Variants in SATL1 observed in about 807,000 individuals in gnomAD.
SATL1 encodes spermidine/spermine N(1)-acetyltransferase-like protein 1.
A neutral mutation model predicts 51.8 loss-of-function variants in SATL1; 47 were observed. The observed-to-expected ratio is 0.91, with a 90% CI of 0.72 to 1.16. The LOEUF is 1.16. SATL1 is among the 50% of genes most tolerant of loss of function. The pLI, the probability that SATL1 is intolerant of heterozygous loss-of-function variation, is 0.00. For missense variants in SATL1, 520 were observed against 526.4 expected (o/e 0.99, Z 0.12); for synonymous variants, 176 against 182.4 (o/e 0.97, Z 0.28).
Position 85,094,200 on chromosome X carries a change from A to G in SATL1, c.1804T>C (p.Tyr602His), listed in dbSNP as rs1164923263. The G allele has an allele frequency of 1.5e-5, 18 of 1,183,485 alleles. No individual in the cohort carries two copies. The highest frequency in any genetic ancestry group is 2.1e-5 in the Non-Finnish European group (18 of 872,399). The change falls in exon 6 of 8, where the codon TAC becomes CAC. Residue 602 changes from tyrosine (Y) to histidine (H), a missense_variant. Physicochemically the swap from Tyr to His is moderately conservative, Grantham distance 83. Around this residue, in one of 3 missense-constraint regions of SATL1, gnomAD observed 488 missense variants for 474.3 expected, o/e 1.03. Coordinates refer to ENST00000644105, the MANE Select transcript of SATL1 (RefSeq NM_001367857.2). ...GKLTVGFAMY[Y>H]FTYDSWTGKV... ...CCAGTCCATGAGTCGTATGTAAAGTAGTACATGGCAAATCCAACAGTCAGT... is the reference window on the plus strand; with the variant it reads ...CCAGTCCATGAGTCGTATGTAAAGTGGTACATGGCAAATCCAACAGTCAGT...
Position 85,108,260 on chromosome X carries a change from A to T in SATL1, c.709T>A (p.Cys237Ser), listed in dbSNP as rs200499692. Residue 237 changes from cysteine (C) to serine (S), a missense_variant, in exon 3 of 8, where the codon TGT (cysteine) becomes AGT (serine). Around this residue, in one of 3 missense-constraint regions of SATL1, gnomAD observed 488 missense variants for 474.3 expected, o/e 1.03. Coordinates refer to ENST00000644105, the MANE Select transcript of SATL1 (RefSeq NM_001367857.2). The part of the protein sequence containing the change: ...GIRQPDTSQS[C>S]KNQTDMSQPD... Reference sequence around the variant, plus strand: ...TGGCTCATGTCTGTTTGGTTCTTACATGATTGGCTAGTGTCTGGTTGCCTT... The same window carrying T: ...TGGCTCATGTCTGTTTGGTTCTTACTTGATTGGCTAGTGTCTGGTTGCCTT... The T allele has an allele frequency of 1.3e-4, 153 of 1,207,286 alleles. No homozygotes were observed. Among genetic ancestry groups the T allele is most frequent in the Non-Finnish European group, 1.7e-4 (149 of 894,241 alleles).
chrX:85,222,954 G>A (rs1351821861), intron 2 of SATL1, among the ~76,000 whole-genome samples: 9 of 111,833 alleles, frequency 8.0e-5, no homozygotes, highest in Admixed American at 7.6e-4. Flanking sequence ...AAGATTATAC[G>A]TTTATACACA....
At chrX:85,233,446 C>T (rs67837097) in intron 1 of SATL1, among the ~76,000 whole-genome samples, 14,643 of 111,586 alleles carry the variant, frequency 0.13, 729 homozygotes, top group South Asian at 0.18. Flanking sequence ...AAATAAGGCA[C>T]GAGTGACCAA....
At chrX:85,155,709 GA>G (rs928042422) in intron 2 of SATL1, among the ~76,000 whole-genome samples, 1 of 110,722 alleles carries the variant, frequency 9.0e-6, no homozygotes, top group East Asian at 2.8e-4. Flanking sequence ...TTAGTGTAGT[GA>G]AAAAAATAGG....
intron 2 of SATL1, among the ~76,000 whole-genome samples, chrX:85,129,008 C>G (rs147976355): frequency 0.038 from 4,213 of 111,419 alleles, 219 homozygotes; most frequent in African/African-American, 0.13. Flanking sequence ...TGGTCTATCT[C>G]TCTATTTTGG....
At chrX:85,229,691 T>A (rs1006489950) in intron 1 of SATL1, among the ~76,000 whole-genome samples, 55 of 111,230 alleles carry the variant, frequency 4.9e-4, no homozygotes, top group African/African-American at 1.7e-3. Flanking sequence ...TCTAGAAAAC[T>A]GTAAAGACTC....
chrX:85,131,321 C>A (rs755928425), intron 2 of SATL1, among the ~76,000 whole-genome samples: 4 of 111,729 alleles, frequency 3.6e-5, no homozygotes, highest in African/African-American at 1.3e-4. Flanking sequence ...CTTTATGAAT[C>A]TGGGTGCTCC....
chrX:85,109,635 C>T (rs1192270821), intron 2 of SATL1, among the ~76,000 whole-genome samples: 2 of 111,452 alleles, frequency 1.8e-5, no homozygotes, highest in African/African-American at 6.5e-5. Context: ...TATTTCCGTC[C>T]TCATTTTTCA....
intron 2 of SATL1, among the ~76,000 whole-genome samples, chrX:85,136,064 C>T (rs1253003016): frequency 9.1e-6 from 1 of 110,280 alleles, no homozygotes; most frequent in East Asian, 2.9e-4. Flanking sequence ...TGGTGACCAA[C>T]TATTAATACA....
At chrX:85,100,851 A>G (rs1224858826) in intron 4 of SATL1, among the ~76,000 whole-genome samples, 1 of 111,999 alleles carries the variant, frequency 8.9e-6, no homozygotes, top group Non-Finnish European at 1.9e-5. Context: ...TGACAAAAGG[A>G]CAGACATATA....
chrX:85,233,084 C>G (rs752550053), intron 1 of SATL1, among the ~76,000 whole-genome samples: 1 of 112,014 alleles, frequency 8.9e-6, no homozygotes, highest in Admixed American at 9.4e-5. Flanking sequence ...CAGCTCCAGG[C>G]AGCTCAGCAC....
At chrX:85,145,225 T>C (rs769891220) in intron 2 of SATL1, among the ~76,000 whole-genome samples, 2 of 111,283 alleles carry the variant, frequency 1.8e-5, no homozygotes, top group Non-Finnish European at 3.8e-5. Flanking sequence ...GGAAATGTCC[T>C]AGCAACCCAG....
intron 2 of SATL1, among the ~76,000 whole-genome samples, chrX:85,220,659 A>AC: frequency 1.7e-5 from 1 of 58,853 alleles, no homozygotes; most frequent in Non-Finnish European, 3.1e-5. Context: ...AAAAAAAAAA[A>AC]AAAAAAAAAA....
At chrX:85,161,684 C>A (rs894681135) in intron 2 of SATL1, among the ~76,000 whole-genome samples, 6 of 110,510 alleles carry the variant, frequency 5.4e-5, no homozygotes, top group Non-Finnish European at 9.5e-5. Flanking sequence ...TCTTAGAGAC[C>A]TACAAAGAGA....
intron 2 of SATL1, among the ~76,000 whole-genome samples, chrX:85,174,923 A>G (rs946564984): frequency 8.9e-6 from 1 of 111,822 alleles, no homozygotes; most frequent in Non-Finnish European, 1.9e-5. Flanking sequence ...TATGGTACGG[A>G]GGCATTAATA....
Position 85,092,292 on chromosome X carries a change from T to A in SATL1, c.*99A>T. ...ATCTGCTCAAACAAGAATGTGATGA[T>A]CACTTGCTGTATTGTACAACAAAGT... On this transcript the variant is annotated 3_prime_UTR_variant, in exon 8 of 8. Transcript: ENST00000644105. 1 of 874,857 alleles carries A rather than the reference T, an allele frequency of 1.1e-6. No individual in the cohort carries two copies. The highest frequency in any genetic ancestry group is 1.5e-6 in the Non-Finnish European group (1 of 651,271). 72.1% of individuals were successfully genotyped at this position (874,857 alleles called of 1,213,427 possible).
chrX:85,144,835 T>C (rs896866299), intron 2 of SATL1, among the ~76,000 whole-genome samples: 1 of 111,013 alleles, frequency 9.0e-6, no homozygotes, highest in Admixed American at 9.7e-5. Flanking sequence ...AAGACCAGCC[T>C]GGGCAACACA....
chrX:85,215,965 T>C (rs1360848568), intron 2 of SATL1, among the ~76,000 whole-genome samples: 1 of 112,159 alleles, frequency 8.9e-6, no homozygotes, highest in East Asian at 2.8e-4. Context: ...GGTCTGTTTT[T>C]GTTTTGCTAT....
intron 2 of SATL1, among the ~76,000 whole-genome samples, chrX:85,174,046 A>T (rs950051116): frequency 9.3e-6 from 1 of 107,899 alleles, no homozygotes; most frequent in Admixed American, 1.0e-4. Flanking sequence ...TCCTTGTGAT[A>T]GTTTGCTCAG....
Sources: allele counts gnomAD v4.1 joint callset (sites outside exome capture counted in the v4.1 genomes callset), GRCh38; gene constraint gnomAD v4.1.1; regional missense constraint gnomAD v4.1.1; transcripts MANE v1.5; gene names NCBI Gene and HGNC (gene_info 2026-07-23, HGNC 2026-07-21).